Variants in CNTNAP2 observed in about 807,000 individuals in gnomAD.
CNTNAP2 encodes the protein contactin associated protein 2, also known as contactin-associated protein-like 2.
A neutral mutation model predicts 155.2 loss-of-function variants in CNTNAP2; 98 were observed. The observed-to-expected ratio is 0.63, with a 90% CI of 0.54 to 0.75. The LOEUF (loss-of-function observed/expected upper bound fraction) is 0.75. Ranked by LOEUF, CNTNAP2 falls within the 30% of genes least tolerant of loss-of-function variation. The probability of loss-of-function intolerance (pLI) is 0.00; values close to 1 mark genes in which losing one functional copy is unlikely to be tolerated. For missense variants in CNTNAP2, 1,727 were observed against 1,688.1 expected, an observed-to-expected ratio of 1.02 and a Z score of -0.40; for synonymous variants, 651 against 631.2, an observed-to-expected ratio of 1.03 and a Z score of -0.47.
At chr7:147,397,822 G>A (rs1183015650) in intron 10 of CNTNAP2, among the ~76,000 whole-genome samples, 2 of 150,258 alleles carry the variant, frequency 1.3e-5, no homozygotes, top group African/African-American at 4.9e-5. Context: ...ATCTTGCCAA[G>A]TTTCCTGCAG....
At position 146,354,239 on chromosome 7, in the gene CNTNAP2, C is replaced by T. The variant is rs144805514; in HGVS notation, c.97+237266C>T. 5.0e-3 allele frequency among the ~76,000 whole-genome samples: 763 copies of T among 152,236 alleles called. 3 individuals carry two copies. The highest frequency in any genetic ancestry group is 0.016 in the Admixed American group (241 of 15,290). ...CACTGTGAGCTTTAGATTCTAAATGCGTAAACAGACATCCTGTTGCGTGGT... is the reference window on the plus strand; with the variant it reads ...CACTGTGAGCTTTAGATTCTAAATGTGTAAACAGACATCCTGTTGCGTGGT... On this transcript the variant is annotated intron_variant, in intron 1 of 23. Coordinates refer to ENST00000361727, the MANE Select transcript of CNTNAP2 (RefSeq NM_014141.6).
At chr7:147,479,595 A>G (rs1156909647) in intron 10 of CNTNAP2, among the ~76,000 whole-genome samples, 1 of 152,222 alleles carries the variant, frequency 6.6e-6, no homozygotes, top group Admixed American at 6.5e-5. Context: ...TATAACTCTA[A>G]GTAAATTAGC....
At chr7:147,639,069 T>C in intron 12 of CNTNAP2, 37 bp from the exon 13 acceptor site, 1 of 1,599,650 alleles carries the variant, frequency 6.3e-7, no homozygotes, top group Non-Finnish European at 8.6e-7. Flanking sequence ...ATTTGCATAC[T>C]AATGATCCAG....
At chr7:147,307,767 G>A (rs1053495596) in intron 9 of CNTNAP2, among the ~76,000 whole-genome samples, 5 of 152,026 alleles carry the variant, frequency 3.3e-5, no homozygotes, top group African/African-American at 1.2e-4. Flanking sequence ...AATTCGCTTT[G>A]ATGTTTTCAT....
At chr7:147,165,274 T>C (rs1802094261) in intron 8 of CNTNAP2, among the ~76,000 whole-genome samples, 1 of 152,190 alleles carries the variant, frequency 6.6e-6, no homozygotes, top group Admixed American at 6.5e-5. Flanking sequence ...TTTTCACATA[T>C]TTGTTGGCCA....
At chr7:147,246,851 C>A (rs1332677086) in intron 8 of CNTNAP2, among the ~76,000 whole-genome samples, 4 of 152,040 alleles carry the variant, frequency 2.6e-5, no homozygotes, top group Non-Finnish European at 5.9e-5. Context: ...TATAGTGACA[C>A]TAAAAATAGT....
intron 15 of CNTNAP2, among the ~76,000 whole-genome samples, chr7:148,075,975 C>G (rs889012870): frequency 6.6e-6 from 1 of 152,142 alleles, no homozygotes; most frequent in African/African-American, 2.4e-5. Context: ...TCTCATTTTT[C>G]CTCCCCGTAC....
intron 1 of CNTNAP2, among the ~76,000 whole-genome samples, chr7:146,327,577 T>C (rs893922960): frequency 5.9e-5 from 9 of 152,244 alleles, no homozygotes; most frequent in Non-Finnish European, 1.0e-4. Context: ...AGTCCATACA[T>C]TGTTTCATTG....
rs183156214 is a variant in CNTNAP2, at chr7:147,244,855, T to C, written c.1349-55286T>C. On this transcript the variant is annotated intron_variant, in intron 8 of 23. Coordinates refer to ENST00000361727, the MANE Select transcript of CNTNAP2 (RefSeq NM_014141.6). ...ATAGTTCTCAGACTGTTTTCTCATA[T>C]AGAAGATACTTATTTCTTAGATTCT... Among the ~76,000 whole-genome samples the C allele has an allele frequency of 2.7e-3, 408 of 152,334 alleles. 1 individual carries two copies. The highest frequency in any genetic ancestry group is 9.2e-3 in the African/African-American group (381 of 41,578).
intron 8 of CNTNAP2, among the ~76,000 whole-genome samples, chr7:147,231,828 T>G (rs149417442): frequency 1.8e-4 from 28 of 152,326 alleles, no homozygotes; most frequent in Admixed American, 6.5e-4. Context: ...GGACATTAAC[T>G]CCTCATCAGA....
chr7:146,853,244 G>A (rs778616496), intron 3 of CNTNAP2, among the ~76,000 whole-genome samples: 10 of 152,122 alleles, frequency 6.6e-5, no homozygotes, highest in Non-Finnish European at 1.5e-4. Flanking sequence ...ATTAATAGAA[G>A]TATTGCACTT....
chr7:148,382,453 C>T (rs911116603), intron 21 of CNTNAP2, among the ~76,000 whole-genome samples: 2 of 151,612 alleles, frequency 1.3e-5, no homozygotes, highest in Admixed American at 6.6e-5. Context: ...CTCAAAGTTG[C>T]GAAAACTGTC....
chr7:147,605,002 C>T (rs1032180004), intron 12 of CNTNAP2, among the ~76,000 whole-genome samples: 7 of 152,050 alleles, frequency 4.6e-5, no homozygotes, highest in African/African-American at 1.7e-4. Context: ...ATGACCTAGC[C>T]CATTTTGTCT....
At chr7:146,386,294 A>G (rs1584900641) in intron 1 of CNTNAP2, among the ~76,000 whole-genome samples, 2 of 152,202 alleles carry the variant, frequency 1.3e-5, no homozygotes, top group African/African-American at 4.8e-5. Context: ...GCAATGTTCA[A>G]TGCTCACATT....
chr7:147,810,955 A>G (rs1376667860), intron 13 of CNTNAP2, among the ~76,000 whole-genome samples: 1 of 152,304 alleles, frequency 6.6e-6, no homozygotes, highest in East Asian at 1.9e-4. Context: ...CTAGGCTGGG[A>G]ATCCTGTTCA....
chr7:148,224,710 G>A lies in CNTNAP2; in HGVS notation c.3248-4936G>A, dbSNP rs934785288. On this transcript the variant is annotated intron_variant, in intron 19 of 23. Transcript: ENST00000361727. ...TGCTATGAAGAAATACCTGAGACTG[G>A]GCAATTTATAAACGAAAGATTTTCA... is the stretch of plus-strand genomic sequence containing the variant. Among the ~76,000 whole-genome samples, 94 of 152,276 alleles carry A rather than the reference G, an allele frequency of 6.2e-4. 1 individual carries two copies. The highest frequency in any genetic ancestry group is 2.2e-3 in the African/African-American group (91 of 41,548).
At chr7:147,406,926 C>T (rs1350001233) in intron 10 of CNTNAP2, among the ~76,000 whole-genome samples, 2 of 152,130 alleles carry the variant, frequency 1.3e-5, no homozygotes, top group South Asian at 4.1e-4. Context: ...ATAGCATTAA[C>T]TTTGTTTGCC....
chr7:146,337,789 T>C (rs933919045), intron 1 of CNTNAP2, among the ~76,000 whole-genome samples: 2 of 152,174 alleles, frequency 1.3e-5, no homozygotes, highest in Non-Finnish European at 2.9e-5. Context: ...ATGATTTTAT[T>C]CATTAGTCTA....
chr7:147,690,685 G>A (rs150737799), intron 13 of CNTNAP2, among the ~76,000 whole-genome samples: 2,501 of 152,164 alleles, frequency 0.016, 222 homozygotes, highest in Admixed American at 0.15. Flanking sequence ...AGGAGTCACA[G>A]TTTTTATGTA....
Sources: allele counts gnomAD v4.1 joint callset (sites outside exome capture counted in the v4.1 genomes callset), GRCh38; gene constraint gnomAD v4.1.1; transcripts MANE v1.5; gene names NCBI Gene and HGNC (gene_info 2026-07-23, HGNC 2026-07-21).